CTDSPL2: variants seen among roughly 807,000 people sequenced by gnomAD.
CTDSPL2 encodes CTD small phosphatase-like protein 2.
In CTDSPL2, 5 loss-of-function variants were observed where a neutral mutation model predicts 60.0. The observed-to-expected ratio is 0.08, with a 90% CI of 0.04 to 0.18. The LOEUF (loss-of-function observed/expected upper bound fraction) is 0.18. Among genes scored for constraint, CTDSPL2 ranks in the 10% least tolerant of loss-of-function variants. The pLI, the probability that CTDSPL2 is intolerant of heterozygous loss-of-function variation, is 1.00. For missense variants in CTDSPL2, 370 were observed against 548.8 expected (o/e 0.67, Z 3.26); for synonymous variants, 186 against 189.3 (o/e 0.98, Z 0.14).
At chr15:44,473,334 C>T (rs542405115) in intron 2 of CTDSPL2, among the ~76,000 whole-genome samples, 2 of 152,072 alleles carry the variant, frequency 1.3e-5, no homozygotes, top group African/African-American at 4.8e-5. Flanking sequence ...CTCGCTCTAT[C>T]GCCCAGGCTG....
In CTDSPL2 at chr15:44,496,455, A is replaced by C. The variant is rs1280042384; in HGVS notation, c.767A>C (p.Asp256Ala). The C allele has an allele frequency of 1.9e-6, 3 of 1,612,748 alleles. No individual in the cohort carries two copies. The highest frequency in any genetic ancestry group is 8.5e-7 in the Non-Finnish European group (1 of 1,179,036). ...TATGAAGAAGACTGGGAAGTATTTG[A>C]CCCGTGAGTTGCTTTTTTCTCTTTT... is the stretch of plus-strand genomic sequence containing the variant. The part of the protein sequence containing the change: ...ATYEEDWEVF[D>A]PYYFIKHVPP... The change falls in exon 6 of 13, where the codon GAC (aspartate) becomes GCC (alanine). Residue 256 changes from aspartate (D) to alanine (A), a missense_variant. Asp to Ala is a moderately radical substitution (Grantham distance 126). Around this residue, in one of 6 missense-constraint regions of CTDSPL2, gnomAD observed 16 missense variants for 44.3 expected, o/e 0.36. Coordinates refer to ENST00000260327, the MANE Select transcript of CTDSPL2 (RefSeq NM_016396.3).
At chr15:44,442,067 C>T (rs1419375185) in intron 1 of CTDSPL2, among the ~76,000 whole-genome samples, 1 of 152,146 alleles carries the variant, frequency 6.6e-6, no homozygotes, top group Admixed American at 6.5e-5. Context: ...GTGGTCAGCT[C>T]CTCCTCTGTA....
rs577889624 is a variant in CTDSPL2 at position 44,528,848 on chromosome 15, C to T, written c.*4674C>T. On this transcript the variant is annotated 3_prime_UTR_variant, in exon 13 of 13. Coordinates refer to ENST00000260327, the MANE Select transcript of CTDSPL2 (RefSeq NM_016396.3). ...TAAGGTAGGGGGGAGTTAATATTCT[C>T]TCTGCCTTGTTTCCACGTGAATCAA... is the stretch of plus-strand genomic sequence containing the variant. 9.7e-4 allele frequency: 148 copies of T among 152,242 alleles called. No homozygotes were observed. Among genetic ancestry groups the T allele is most frequent in the African/African-American group, 3.3e-3 (138 of 41,538 alleles). The allele number at this position is 152,242 out of a possible 1,614,324, so 9.4% of individuals were successfully genotyped here.
intron 5 of CTDSPL2, among the ~76,000 whole-genome samples, chr15:44,491,278 T>C (rs2140806305): frequency 6.6e-6 from 1 of 152,344 alleles, no homozygotes; most frequent in Admixed American, 6.5e-5. Context: ...TAACAAAATA[T>C]ATGCTCATGT....
intron 2 of CTDSPL2, among the ~76,000 whole-genome samples, chr15:44,473,530 T>G (rs1036754043): frequency 6.6e-6 from 1 of 150,520 alleles, no homozygotes; most frequent in Non-Finnish European, 1.5e-5. Flanking sequence ...CTCCTGACCT[T>G]GTGATCCACC....
intron 5 of CTDSPL2, among the ~76,000 whole-genome samples, chr15:44,494,662 C>T (rs2081268000): frequency 6.6e-6 from 1 of 151,796 alleles, no homozygotes; most frequent in African/African-American, 2.4e-5. Flanking sequence ...GTAGTCCCTG[C>T]ACTTTGCGAG....
intron 5 of CTDSPL2, among the ~76,000 whole-genome samples, chr15:44,491,401 C>T (rs1217702461): frequency 1.3e-5 from 2 of 152,176 alleles, no homozygotes; most frequent in African/African-American, 4.8e-5. Flanking sequence ...TGACATCCCC[C>T]CAAAAACTGC....
intron 1 of CTDSPL2, among the ~76,000 whole-genome samples, chr15:44,434,066 T>C (rs1175837297): frequency 6.6e-6 from 1 of 151,114 alleles, no homozygotes; most frequent in Non-Finnish European, 1.5e-5. Context: ...TTTAGAAAAA[T>C]CATTGTTATT....
intron 10 of CTDSPL2, among the ~76,000 whole-genome samples, chr15:44,515,330 T>G (rs568857025): frequency 3.3e-5 from 5 of 152,322 alleles, no homozygotes; most frequent in Admixed American, 6.5e-5. Flanking sequence ...TACAGTGGGT[T>G]TAGTCACTCA....
chr15:44,466,936 C>T (rs1411064946), intron 2 of CTDSPL2, among the ~76,000 whole-genome samples: 1 of 149,850 alleles, frequency 6.7e-6, no homozygotes, highest in African/African-American at 2.5e-5. Context: ...GCGACTCCGT[C>T]TCAAAAAACA....
At chr15:44,522,677 C>T (rs532316886) in intron 12 of CTDSPL2, among the ~76,000 whole-genome samples, 10 of 152,170 alleles carry the variant, frequency 6.6e-5, no homozygotes, top group African/African-American at 2.2e-4. Context: ...CACTTGAACC[C>T]GGGAGGCGGA....
intron 8 of CTDSPL2, chr15:44,501,935 A>G (rs533499999): frequency 5.6e-5 from 25 of 450,034 alleles, no homozygotes; most frequent in South Asian, 3.5e-4. Context: ...CCCTTTAAAC[A>G]GGGAATGATG....
intron 10 of CTDSPL2, 38 bp from the exon 11 acceptor site, chr15:44,519,130 AG>A (rs1387135573): frequency 7.8e-7 from 1 of 1,287,362 alleles, no homozygotes; most frequent in African/African-American, 1.6e-5. Flanking sequence ...CTTTTTAGAA[AG>A]TTTTTTTTTT....
At chr15:44,436,103 A>C (rs1220799431) in intron 1 of CTDSPL2, among the ~76,000 whole-genome samples, 1 of 152,224 alleles carries the variant, frequency 6.6e-6, no homozygotes, top group Non-Finnish European at 1.5e-5. Flanking sequence ...TAGTCAGGCT[A>C]GAAATGTAGA....
At chr15:44,487,344 A>G (rs1164528385) in intron 4 of CTDSPL2, among the ~76,000 whole-genome samples, 1 of 152,026 alleles carries the variant, frequency 6.6e-6, no homozygotes, top group African/African-American at 2.4e-5. Flanking sequence ...AGTCCTAGCT[A>G]CTCCAGAGGC....
intron 10 of CTDSPL2, among the ~76,000 whole-genome samples, chr15:44,515,115 G>C (rs182945310): frequency 3.9e-5 from 6 of 152,142 alleles, no homozygotes; most frequent in South Asian, 4.2e-4. Context: ...ACGGGGGTTG[G>C]GGGGGTTGTG....
intron 1 of CTDSPL2, among the ~76,000 whole-genome samples, chr15:44,434,362 T>C (rs966058371): frequency 6.6e-6 from 1 of 152,128 alleles, no homozygotes; most frequent in Non-Finnish European, 1.5e-5. Context: ...ATCGTGCCAC[T>C]GCACTGCAGC....
rs190167456 is a variant in CTDSPL2, at chr15:44,520,908, A to G, written c.1240-403A>G. 1.9e-3 allele frequency: 284 copies of G among 152,204 alleles called. 1 individual carries two copies. The highest frequency in any genetic ancestry group is 3.2e-3 in the African/African-American group (132 of 41,122). 9.4% of individuals were successfully genotyped at this position (152,204 alleles called of 1,614,324 possible). On this transcript the variant is annotated intron_variant, in intron 11 of 12. Transcript: ENST00000260327. ...AGATATGGTCACTGTATTTAAGGGG[A>G]AAAAAAAGTATAGGCTTTTCTATAT...
In CTDSPL2 at chr15:44,528,775, C is replaced by G. The variant is rs139938951; in HGVS notation, c.*4601C>G. ...TGTAGAAATAAGCAATGAAATACTA[C>G]TTTCATCTTTTGAAATGGGATTTTT... On this transcript the variant is annotated 3_prime_UTR_variant, in exon 13 of 13. Transcript: ENST00000260327. The G allele has an allele frequency of 1.1e-4, 16 of 152,094 alleles. No individual in the cohort carries two copies. The highest frequency in any genetic ancestry group is 3.9e-4 in the African/African-American group (16 of 41,508). The allele number at this position is 152,094 out of a possible 1,614,324, so 9.4% of individuals were successfully genotyped here.
Sources: gnomAD v4.1 joint callset for allele counts (sites outside exome capture counted in the v4.1 genomes callset) on GRCh38, gnomAD v4.1.1 for gene constraint, gnomAD v4.1.1 regional missense constraint, MANE v1.5 for transcripts, NCBI Gene and HGNC (gene_info 2026-07-23, HGNC 2026-07-21) for gene names.